The following BEAN1 variants were observed in gnomAD, a reference collection of about 807,000 sequenced individuals.
BEAN1 encodes brain expressed associated with NEDD4 1, also known as protein BEAN1.
Under a neutral mutation model 17.7 loss-of-function variants are expected in BEAN1, and 17 were observed. That is an observed-to-expected ratio of 0.96 (90% confidence interval 0.66 to 1.44). BEAN1 has a LOEUF of 1.44. Ranked by LOEUF, BEAN1 falls within the 40% of genes most tolerant of loss-of-function variation. The pLI is 0.00. For missense variants in BEAN1, 359 were observed against 374.1 expected, an observed-to-expected ratio of 0.96 and a Z score of 0.33; for synonymous variants, 142 against 151.8, an observed-to-expected ratio of 0.94 and a Z score of 0.47.
At chr16:66,454,045 G>C (rs1431433577) in intron 2 of BEAN1, among the ~76,000 whole-genome samples, 1 of 152,174 alleles carries the variant, frequency 6.6e-6, no homozygotes, top group East Asian at 1.9e-4. Flanking sequence ...TAATTTCTAA[G>C]TAGTTGGGGT....
intron 2 of BEAN1, among the ~76,000 whole-genome samples, chr16:66,466,961 G>A (rs2142426035): frequency 6.6e-6 from 1 of 152,296 alleles, no homozygotes; most frequent in African/African-American, 2.4e-5. Context: ...GATTTATTTG[G>A]GGAACTTAAG....
intron 2 of BEAN1, among the ~76,000 whole-genome samples, chr16:66,466,065 C>T (rs980180726): frequency 1.3e-5 from 2 of 152,214 alleles, no homozygotes; most frequent in African/African-American, 4.8e-5. Flanking sequence ...CCACCCACCT[C>T]GGCCTCCCAA....
chr16:66,472,430 G>A (rs1227972942), intron 3 of BEAN1, among the ~76,000 whole-genome samples: 3 of 152,266 alleles, frequency 2.0e-5, no homozygotes, highest in Non-Finnish European at 2.9e-5. Context: ...CTAGTCAGGT[G>A]CGGTGGCTCA....
intron 2 of BEAN1, among the ~76,000 whole-genome samples, chr16:66,445,918 C>T (rs1276412388): frequency 1.3e-5 from 2 of 152,290 alleles, no homozygotes; most frequent in East Asian, 1.9e-4. Context: ...CCAGGTGGCT[C>T]ATACCTGTAA....
chr16:66,445,267 G>A (rs763731190), intron 2 of BEAN1, among the ~76,000 whole-genome samples: 18 of 151,790 alleles, frequency 1.2e-4, no homozygotes, highest in Non-Finnish European at 2.2e-4. Flanking sequence ...ACAAGGTCAG[G>A]AGATTGAGAC....
chr16:66,488,402 C>T (rs891879869), intron 4 of BEAN1, among the ~76,000 whole-genome samples: 9 of 151,374 alleles, frequency 5.9e-5, no homozygotes, highest in African/African-American at 2.2e-4. Context: ...TCAGGGAGGC[C>T]AGGTGTGGTG....
chr16:66,430,581 AAT>A (rs1465099937), intron 1 of BEAN1, among the ~76,000 whole-genome samples: 2 of 152,244 alleles, frequency 1.3e-5, no homozygotes, highest in Non-Finnish European at 2.9e-5. Flanking sequence ...ACTGAAAAAG[AAT>A]ATGTTAATTG....
Position 66,477,579 on chromosome 16 carries a change from C to A in BEAN1, c.309C>A (p.Tyr103Ter). The A allele has an allele frequency of 6.5e-7, 1 of 1,547,376 alleles. No homozygotes were observed. Among genetic ancestry groups the A allele is most frequent in the Non-Finnish European group, 8.7e-7 (1 of 1,145,766 alleles). ...CTGCAGTGTCGGACGAGCACACATA[C>A]AGCCGCTCAAGCCGCAGGATGCGCT... ...EHGYVSDEHT[Y>*]SRSSRRMRYA... The change falls in exon 4 of 5, where the codon TAC becomes TAA. Residue 103 changes from tyrosine (Y) to a stop codon, truncating the protein, a stop_gained. Transcript: ENST00000536005. LOFTEE classifies it high-confidence loss of function.
intron 2 of BEAN1, among the ~76,000 whole-genome samples, chr16:66,455,027 A>G (rs1368744861): frequency 1.3e-5 from 2 of 152,062 alleles, no homozygotes; most frequent in African/African-American, 4.8e-5. Context: ...CCTTTGATCA[A>G]TTTCCAGGAA....
intron 2 of BEAN1, among the ~76,000 whole-genome samples, chr16:66,448,130 G>A (rs1962522612): frequency 6.6e-6 from 1 of 152,118 alleles, no homozygotes; most frequent in Non-Finnish European, 1.5e-5. Context: ...TCCCCTGTAG[G>A]CCCCAAGACA....
intron 2 of BEAN1, among the ~76,000 whole-genome samples, chr16:66,444,255 A>C (rs557828680): frequency 1.3e-5 from 2 of 152,184 alleles, no homozygotes; most frequent in Admixed American, 1.3e-4. Flanking sequence ...TTGTTCTCTG[A>C]ACTTAGATTT....
At position 66,480,903 on chromosome 16, in the gene BEAN1, C is replaced by G; in HGVS notation, c.758C>G (p.Ser253Cys). Residue 253 changes from serine (S) to cysteine (C), a missense_variant, in exon 5 of 5, where the codon TCT becomes TGT. Coordinates refer to ENST00000536005, the MANE Select transcript of BEAN1 (RefSeq NM_001178020.3). ...CCCACCCCAACCCGGGCCCCAGCCT[C>G]TGGCCCAGAGAGGATTGTGTGAGGG... Reference protein sequence around the residue: ...GSPTPTRAPASGPERIV With the variant: ...GSPTPTRAPACGPERIV The G allele has an allele frequency of 1.4e-6, 2 of 1,463,178 alleles. No homozygotes were observed. The highest frequency in any genetic ancestry group is 2.8e-5 in the South Asian group (2 of 70,860). The allele number at this position is 1,463,178 out of a possible 1,614,324, so 90.6% of individuals were successfully genotyped here. A position where few individuals can be genotyped will look rare whatever the true frequency, so the allele number is the denominator to read the frequency against.
intron 2 of BEAN1, among the ~76,000 whole-genome samples, chr16:66,459,321 TTTTC>T (rs1157684155): frequency 6.6e-5 from 10 of 152,114 alleles, no homozygotes; most frequent in Admixed American, 2.0e-4. Context: ...TTCTCTTTTT[TTTTC>T]TTTTTCTCTT....
intron 3 of BEAN1, among the ~76,000 whole-genome samples, chr16:66,470,676 G>C (rs1482409103): frequency 6.6e-6 from 1 of 152,248 alleles, no homozygotes; most frequent in South Asian, 2.1e-4. Flanking sequence ...CCCTTAAACA[G>C]AGTTGGTGGC....
intron 3 of BEAN1, 139 bp downstream of exon 3, chr16:66,470,004 G>A (rs1963415519): frequency 1.6e-6 from 2 of 1,236,868 alleles, no homozygotes; most frequent in South Asian, 3.1e-5. Flanking sequence ...GGGTGGTCAG[G>A]AAGAGCTCAC....
At chr16:66,490,429 T>TAAAAC (rs1312014919) in intron 4 of BEAN1, among the ~76,000 whole-genome samples, 1 of 138,380 alleles carries the variant, frequency 7.2e-6, no homozygotes, top group Middle Eastern at 3.3e-3. Context: ...TAAAATAAAA[T>TAAAAC]AAAATAAAAT....
chr16:66,469,101 A>T (rs533973141), intron 2 of BEAN1, among the ~76,000 whole-genome samples: 1 of 152,248 alleles, frequency 6.6e-6, no homozygotes, highest in Admixed American at 6.5e-5. Context: ...CAAGCCCCTG[A>T]CGCATCTGGG....
chr16:66,462,123 A>G (rs774193135), intron 2 of BEAN1, among the ~76,000 whole-genome samples: 1 of 152,258 alleles, frequency 6.6e-6, no homozygotes, highest in Non-Finnish European at 1.5e-5. Flanking sequence ...GGTGGCAGGT[A>G]TGCTATAGAT....
chr16:66,440,157 T>C (rs558515923), intron 2 of BEAN1, among the ~76,000 whole-genome samples: 10 of 142,814 alleles, frequency 7.0e-5, no homozygotes, highest in Non-Finnish European at 1.5e-4. Context: ...TGAGATGGAG[T>C]TTCACGCTGC....
Sources: allele counts gnomAD v4.1 joint callset (sites outside exome capture counted in the v4.1 genomes callset), GRCh38; gene constraint gnomAD v4.1.1; transcripts MANE v1.5; gene names NCBI Gene and HGNC (gene_info 2026-07-23, HGNC 2026-07-21).